The following PXMP2 variants were observed in gnomAD, a reference collection of about 807,000 sequenced individuals.
The protein encoded by PXMP2 is peroxisomal membrane protein 2.
PXMP2 carries 13 observed loss-of-function variants against 20.2 expected under a neutral mutation model. The ratio of observed to expected loss-of-function variants is 0.64; its 90% CI spans 0.42 to 1.02. The LOEUF is 1.02. Among genes scored for constraint, PXMP2 ranks in the 50% least tolerant of loss-of-function variants. The probability of loss-of-function intolerance (pLI) is 0.00; values close to 1 mark genes in which losing one functional copy is unlikely to be tolerated. For missense variants in PXMP2, 284 were observed against 251.8 expected, an observed-to-expected ratio of 1.13 and a Z score of -0.87; for synonymous variants, 113 against 111.2, an observed-to-expected ratio of 1.02 and a Z score of -0.10.
At chr12:132,697,197 A>G (rs2043415057) in intron 3 of PXMP2, among the ~76,000 whole-genome samples, 1 of 151,538 alleles carries the variant, frequency 6.6e-6, no homozygotes, top group African/African-American at 2.4e-5. Flanking sequence ...AGGTGAGAAG[A>G]TCCCTTGAGC....
chr12:132,692,343 G>A (rs34238680), intron 2 of PXMP2, among the ~76,000 whole-genome samples: 3,770 of 79,710 alleles, frequency 0.047, 465 homozygotes, highest in Non-Finnish European at 0.074. Context: ...GTTAGTGAGC[G>A]CCCTTAGCCA....
At chr12:132,695,647 C>T (rs1371475557) in intron 2 of PXMP2, among the ~76,000 whole-genome samples, 1 of 152,214 alleles carries the variant, frequency 6.6e-6, no homozygotes, top group Non-Finnish European at 1.5e-5. Flanking sequence ...AGCGAGCCAA[C>T]ATAGCTAGGC....
intron 3 of PXMP2, among the ~76,000 whole-genome samples, chr12:132,699,438 G>T (rs2043426534): frequency 6.6e-6 from 1 of 151,294 alleles, no homozygotes; most frequent in African/African-American, 2.4e-5. Flanking sequence ...AAAAAAGTGA[G>T]AACATGCAGT....
chr12:132,692,994 C>CGTT (rs2043381362), intron 2 of PXMP2, among the ~76,000 whole-genome samples: 1 of 67,476 alleles, frequency 1.5e-5, no homozygotes, highest in Non-Finnish European at 3.4e-5. Flanking sequence ...GCTCCCTTGC[C>CGTT]AGTTAGTGAG....
chr12:132,696,439 ATC>A lies in PXMP2; in HGVS notation c.399+396_399+397del, dbSNP rs1350294505. On this transcript the variant is annotated intron_variant, in intron 3 of 4. Transcript: ENST00000317479. This position sits in a 1 kb window ranked among gnomAD's most constrained non-coding sequence, Gnocchi z 4.4. ...TTATATCACATCAGTTGTTACAGAT[ATC>A]TCGAAATATAATTTATGCTCATTAC... Among the ~76,000 whole-genome samples, 1 of 152,250 alleles carries A rather than the reference ATC, an allele frequency of 6.6e-6. No homozygotes were observed. Among genetic ancestry groups the A allele is most frequent in the East Asian group, 1.9e-4 (1 of 5,180 alleles).
At chr12:132,697,099 G>C (rs191954967) in intron 3 of PXMP2, among the ~76,000 whole-genome samples, 1 of 152,238 alleles carries the variant, frequency 6.6e-6, no homozygotes, top group Non-Finnish European at 1.5e-5. Context: ...ACCAGCCTGG[G>C]CAACATGGCG....
intron 2 of PXMP2, among the ~76,000 whole-genome samples, chr12:132,695,634 A>G (rs984525814): frequency 6.6e-6 from 1 of 152,206 alleles, no homozygotes; most frequent in African/African-American, 2.4e-5. Flanking sequence ...CAGTGTGAGG[A>G]GGAGCGAGCC....
rs1438004747 is a variant in PXMP2, at chr12:132,690,308, G to A, written c.168G>A (p.Glu56=). The A allele has an allele frequency of 3.1e-6, 5 of 1,613,926 alleles. No individual in the cohort carries two copies. Among genetic ancestry groups the A allele is most frequent in the Non-Finnish European group, 4.2e-6 (5 of 1,179,992 alleles). The change falls in exon 2 of 5, where the codon GAG becomes GAA. Residue 56 remains glutamate (E), a synonymous_variant. Transcript: ENST00000317479. ...ALGNFLAQMI[E]KKRKKENSRS... ...GGAACTTCCTGGCCCAGATGATTGA[G>A]AAGAAGCGGAAAAAAGAAAACTCTA...
Position 132,700,521 on chromosome 12 carries a change from G to A in PXMP2, c.400-729G>A, listed in dbSNP as rs1019131871. 2.4e-4 allele frequency among the ~76,000 whole-genome samples: 37 copies of A among 152,108 alleles called. No homozygotes were observed. The Middle Eastern group carries it at 0.017, about 70-fold the overall frequency. ...ATCCGTTGCCCACTTTTTTAATGAG[G>A]TTATTCATTTCTTTCTTGTTGAGTT... On this transcript the variant is annotated intron_variant, in intron 3 of 4. Coordinates refer to ENST00000317479, the MANE Select transcript of PXMP2 (RefSeq NM_018663.3).
chr12:132,698,068 G>A (rs2043419975), intron 3 of PXMP2, among the ~76,000 whole-genome samples: 1 of 150,212 alleles, frequency 6.7e-6, no homozygotes, highest in African/African-American at 2.5e-5. Context: ...CTGGAGTGTA[G>A]TGCGTGATCT....
intron 2 of PXMP2, among the ~76,000 whole-genome samples, chr12:132,694,153 G>A (rs1448037584): frequency 8.6e-6 from 1 of 116,752 alleles, no homozygotes; most frequent in African/African-American, 3.5e-5. Context: ...TAGTTAGTGA[G>A]CTCCCTTAGC....
chr12:132,695,132 C>G (rs1164284660), intron 2 of PXMP2, among the ~76,000 whole-genome samples: 2 of 150,272 alleles, frequency 1.3e-5, no homozygotes, highest in African/African-American at 4.9e-5. Flanking sequence ...TAATGAGCTC[C>G]CTTAGCCAGT....
intron 1 of PXMP2, 101 bp from the exon 2 acceptor site, chr12:132,690,162 A>G (rs1295961139): frequency 2.3e-6 from 2 of 867,838 alleles, no homozygotes; most frequent in Non-Finnish European, 3.8e-6. Flanking sequence ...CCCCCCGCCC[A>G]TCTGCTGCAT....
In PXMP2 at chr12:132,696,979, A is replaced by C. The variant is rs1002312830; in HGVS notation, c.399+933A>C. ...AACAGAGCAAGACTCTGCCTCAAAA[A>C]AAAAAGAAAAAAGAAAAAAGAAACA... On this transcript the variant is annotated intron_variant, in intron 3 of 4. Transcript: ENST00000317479. This position sits in a 1 kb window ranked among gnomAD's most constrained non-coding sequence, Gnocchi z 4.4. 6.8e-6 allele frequency among the ~76,000 whole-genome samples: 1 copy of C among 147,812 alleles called. No individual in the cohort carries two copies. The highest frequency in any genetic ancestry group is 1.5e-5 in the Non-Finnish European group (1 of 66,584).
intron 2 of PXMP2, among the ~76,000 whole-genome samples, chr12:132,695,471 C>T (rs992105112): frequency 1.3e-5 from 2 of 152,224 alleles, no homozygotes; most frequent in Admixed American, 6.5e-5. Context: ...GGACAGAAGA[C>T]GTAGCCTCCC....
intron 2 of PXMP2, 148 bp downstream of exon 2, chr12:132,690,524 G>A: frequency 1.6e-6 from 1 of 633,782 alleles, no homozygotes; most frequent in Middle Eastern, 3.1e-4. Context: ...AAACTCGAAT[G>A]GTTCATATAG....
rs1407328867 is a variant in PXMP2 at position 132,696,958 on chromosome 12, G to C, written c.399+912G>C. ...CCACTGCACTCCAGTCTGGGCAACAGAGCAAGACTCTGCCTCAAAAAAAAA... is the reference window on the plus strand; with the variant it reads ...CCACTGCACTCCAGTCTGGGCAACACAGCAAGACTCTGCCTCAAAAAAAAA... On this transcript the variant is annotated intron_variant, in intron 3 of 4. Transcript: ENST00000317479. This position sits in a 1 kb window ranked among gnomAD's most constrained non-coding sequence, Gnocchi z 4.4. Among the ~76,000 whole-genome samples the C allele has an allele frequency of 6.6e-6, 1 of 151,592 alleles. No individual in the cohort carries two copies. The highest frequency in any genetic ancestry group is 6.6e-5 in the Admixed American group (1 of 15,174).
Position 132,696,072 on chromosome 12 carries a change from G to A in PXMP2, c.399+26G>A. 1 of 1,572,172 alleles carries A rather than the reference G, an allele frequency of 6.4e-7. No homozygotes were observed. The highest frequency in any genetic ancestry group is 8.7e-7 in the Non-Finnish European group (1 of 1,153,206). On this transcript the variant is annotated intron_variant, in intron 3 of 4. Coordinates refer to ENST00000317479, the MANE Select transcript of PXMP2 (RefSeq NM_018663.3). The surrounding 1 kb of genome is among the most constrained non-coding windows in gnomAD (Gnocchi z 4.4). ...GTGGGTGTCTGCCACAGCACTTACT[G>A]CAGCTCTTCGTTTAGCACAGGGATT... is the stretch of plus-strand genomic sequence containing the variant.
rs200441298 is a variant in PXMP2 at position 132,704,691 on chromosome 12, C to G, written c.*4C>G. 3 of 1,571,114 alleles carry G rather than the reference C, an allele frequency of 1.9e-6. No homozygotes were observed. Among genetic ancestry groups the G allele is most frequent in the Non-Finnish European group, 2.6e-6 (3 of 1,157,578 alleles). The stretch of plus-strand genomic sequence containing the variant: ...CCTGGCCTCCTTGGGGAAGTGACGA[C>G]CGCTGGGAGAACATCAGGTGCACTG... On this transcript the variant is annotated 3_prime_UTR_variant, in exon 5 of 5. Coordinates refer to ENST00000317479, the MANE Select transcript of PXMP2 (RefSeq NM_018663.3).
Sources: allele counts gnomAD v4.1 joint callset (sites outside exome capture counted in the v4.1 genomes callset), GRCh38; gene constraint gnomAD v4.1.1; non-coding constraint Gnocchi (gnomAD v3.1); transcripts MANE v1.5; gene names NCBI Gene and HGNC (gene_info 2026-07-23, HGNC 2026-07-21).